Variants in ZNF202 observed in about 807,000 individuals in gnomAD.
ZNF202 encodes the protein zinc finger protein 202, also known as zinc finger protein with KRAB and SCAN domains 10.
ZNF202 carries 22 observed loss-of-function variants against 54.5 expected under a neutral mutation model. The observed-to-expected ratio is 0.40, with a 90% CI of 0.29 to 0.58. The LOEUF is 0.58. Among genes scored for constraint, ZNF202 ranks in the 20% least tolerant of loss-of-function variants. The pLI is 0.39. For missense variants in ZNF202, 644 were observed against 805.5 expected (o/e 0.80, Z 2.43); for synonymous variants, 294 against 301.4 (o/e 0.98, Z 0.26).
In ZNF202 at chr11:123,741,646, A is replaced by C. The variant is rs1306078409; in HGVS notation, c.-391T>G. ...GCCGGATCCGAGCCGCGCGGGGCCT[A>C]GCGGGTCGGAACACGTGGGGCCTTT... is the stretch of plus-strand genomic sequence containing the variant. On this transcript the variant is annotated 5_prime_UTR_variant, in exon 1 of 9. Coordinates refer to ENST00000530393, the MANE Select transcript of ZNF202 (RefSeq NM_003455.4). The C allele has an allele frequency of 6.5e-6, 1 of 152,694 alleles. No individual in the cohort carries two copies. Among genetic ancestry groups the C allele is most frequent in the Non-Finnish European group, 1.5e-5 (1 of 68,090 alleles). The allele number at this position is 152,694 out of a possible 1,614,324, so 9.5% of individuals were successfully genotyped here.
chr11:123,732,988 C>T (rs1353268914), intron 3 of ZNF202, among the ~76,000 whole-genome samples: 1 of 152,110 alleles, frequency 6.6e-6, no homozygotes, highest in African/African-American at 2.4e-5. Flanking sequence ...ATTACAATAT[C>T]CTCTGCTCCT....
In ZNF202 at chr11:123,726,229, C is replaced by A; in HGVS notation, c.1715G>T (p.Arg572Leu). Residue 572 changes from arginine (R) to leucine (L), a missense_variant, in exon 9 of 9, where the codon CGC (arginine) becomes CTC (leucine). Transcript: ENST00000530393. This position sits in a 1 kb window ranked among gnomAD's most constrained non-coding sequence, Gnocchi z 6.0. ...GAACGCTGCGCTGTGGGTGAAGCAG[C>A]GCCCGCACTCGCTGCAGAGGTAGAG... ...EELYLCSECG[R>L]CFTHSAAFAK... The A allele has an allele frequency of 6.2e-7, 1 of 1,614,206 alleles. No individual in the cohort carries two copies. The highest frequency in any genetic ancestry group is 8.5e-7 in the Non-Finnish European group (1 of 1,180,036).
chr11:123,728,017 G>A (rs1591375365), intron 7 of ZNF202, 116 bp downstream of exon 7: 1 of 1,168,856 alleles, frequency 8.6e-7, no homozygotes, highest in South Asian at 1.5e-5. Flanking sequence ...TTTATTGGTG[G>A]GGAAGGCATA....
intron 3 of ZNF202, among the ~76,000 whole-genome samples, chr11:123,733,953 A>G (rs561629126): frequency 2.6e-5 from 4 of 152,314 alleles, no homozygotes; most frequent in African/African-American, 9.6e-5. Context: ...CTGTTGGAGT[A>G]CCAGTATTAA....
chr11:123,728,206 A>T lies in ZNF202; in HGVS notation c.759T>A (p.Asp253Glu). Residue 253 changes from aspartate to glutamate, a missense_variant, in exon 7 of 9, where the codon GAT (aspartate) becomes GAA (glutamate). Asp to Glu is a conservative substitution (Grantham distance 45). Transcript: ENST00000530393. Reference sequence around the variant, plus strand: ...AGAACTCTTTCTGTGTTGGGTCCAGATCACTCCACTGGTCCTGGGAAAAGC... The same window carrying T: ...AGAACTCTTTCTGTGTTGGGTCCAGTTCACTCCACTGGTCCTGGGAAAAGC... ...AVCFSQDQWS[D>E]LDPTQKEFYG... is the part of the protein sequence containing the mutation. The T allele has an allele frequency of 6.2e-7, 1 of 1,613,174 alleles. No individual in the cohort carries two copies. Among genetic ancestry groups the T allele is most frequent in the Non-Finnish European group, 8.5e-7 (1 of 1,179,438 alleles).
In ZNF202 at chr11:123,730,873, C is replaced by G. The variant is rs1430305431; in HGVS notation, c.16G>C (p.Glu6Gln). 6.2e-7 allele frequency: 1 copy of G among 1,613,448 alleles called. No individual in the cohort carries two copies. Among genetic ancestry groups the G allele is most frequent in the Admixed American group, 1.7e-5 (1 of 59,990 alleles). Residue 6 changes from glutamate to glutamine, a missense_variant, in exon 4 of 9, where the codon GAA (glutamate) becomes CAA (glutamine). Around this residue, in one of 3 missense-constraint regions of ZNF202, gnomAD observed 46 missense variants for 47.4 expected, o/e 0.97. Coordinates refer to ENST00000530393, the MANE Select transcript of ZNF202 (RefSeq NM_003455.4). The surrounding 1 kb of genome is among the most constrained non-coding windows in gnomAD (Gnocchi z 6.0). The stretch of plus-strand genomic sequence containing the variant: ...TCCCAAAGATCCTGGTCCTCTGGTT[C>G]CACGGCTGTAGCCATTTCTTGGCTT... MATAV[E>Q]PEDQDLWEEE...
chr11:123,727,167 T>G (rs1861188865), intron 8 of ZNF202, among the ~76,000 whole-genome samples, 176 bp from the exon 9 acceptor site: 1 of 152,236 alleles, frequency 6.6e-6, no homozygotes, highest in African/African-American at 2.4e-5. Flanking sequence ...TGCACAAATA[T>G]AATCTTCATT....
chr11:123,739,430 T>C (rs980443223), intron 3 of ZNF202: 17 of 152,342 alleles, frequency 1.1e-4, no homozygotes, highest in African/African-American at 4.1e-4. Flanking sequence ...GCAGAAGCTC[T>C]GACCTTGAGG....
chr11:123,724,879 G>A lies in ZNF202; in HGVS notation c.*1118C>T, dbSNP rs1187950323. ...CAGTCAGGGATGATGGGGACAGGGT[G>A]TCAGAACAGTCTTGATGGTCTTGCC... On this transcript the variant is annotated 3_prime_UTR_variant, in exon 9 of 9. Transcript: ENST00000530393. 2 of 152,294 alleles carry A rather than the reference G, an allele frequency of 1.3e-5. No individual in the cohort carries two copies. Among genetic ancestry groups the A allele is most frequent in the East Asian group, 3.8e-4 (2 of 5,206 alleles). 9.4% of individuals were successfully genotyped at this position (152,294 alleles called of 1,614,324 possible). A position where few individuals can be genotyped will look rare whatever the true frequency, so the allele number is the denominator to read the frequency against.
In ZNF202 at chr11:123,729,111, G is replaced by A. The variant is rs1861286280; in HGVS notation, c.702+15C>T. ...CAAACAAATTCTCTGTGGTACAGAGGTAACTAGGGCACACCTGTGACAGAG... is the reference window on the plus strand; with the variant it reads ...CAAACAAATTCTCTGTGGTACAGAGATAACTAGGGCACACCTGTGACAGAG... On this transcript the variant is annotated intron_variant, in intron 6 of 8. Transcript: ENST00000530393. 1.3e-5 allele frequency: 21 copies of A among 1,613,054 alleles called. No individual in the cohort carries two copies. The East Asian group carries it at 4.7e-4, about 36-fold the overall frequency.
intron 3 of ZNF202, among the ~76,000 whole-genome samples, chr11:123,733,402 T>C (rs1174438619): frequency 6.6e-6 from 1 of 152,228 alleles, no homozygotes; most frequent in Non-Finnish European, 1.5e-5. Flanking sequence ...CTGCTATCTC[T>C]ACCTCATGGT....
intron 3 of ZNF202, chr11:123,739,521 A>AT (rs35727152): frequency 0.68 from 103,658 of 152,066 alleles, 35,538 homozygotes; most frequent in Middle Eastern, 0.82. Context: ...CAGGTGTAAT[A>AT]TTTTGATCAA....
chr11:123,729,102 G>A, intron 6 of ZNF202, 24 bp downstream of exon 6: 1 of 1,608,934 alleles, frequency 6.2e-7, no homozygotes, highest in African/African-American at 1.3e-5. Context: ...AATTCTCTGT[G>A]GTACAGAGGT....
At chr11:123,740,942 C>A (rs1448007052) in intron 1 of ZNF202, among the ~76,000 whole-genome samples, 3 of 143,368 alleles carry the variant, frequency 2.1e-5, no homozygotes, top group Non-Finnish European at 4.6e-5. Flanking sequence ...CTTGAGGGGA[C>A]CTCAGGGTCT....
At position 123,733,128 on chromosome 11, in the gene ZNF202, T is replaced by C. The variant is rs1861482376; in HGVS notation, c.-97-2143A>G. On this transcript the variant is annotated intron_variant, in intron 3 of 8. Transcript: ENST00000530393. ...CAAGCAGCTTAAGGGCTCCATCATT[T>C]CTCAACCTTTTTGTGCTATACTACA... 2.0e-5 allele frequency among the ~76,000 whole-genome samples: 3 copies of C among 152,194 alleles called. No individual in the cohort carries two copies. In the South Asian group the frequency reaches 6.2e-4, roughly 32 times the overall value.
At chr11:123,727,233 A>G (rs1162331422) in intron 8 of ZNF202, among the ~76,000 whole-genome samples, 1 of 152,246 alleles carries the variant, frequency 6.6e-6, no homozygotes, top group Non-Finnish European at 1.5e-5. Flanking sequence ...AGTAAATGGT[A>G]TAGCTGCAAT....
intron 3 of ZNF202, among the ~76,000 whole-genome samples, chr11:123,734,075 C>T (rs141406801): frequency 2.4e-4 from 36 of 152,052 alleles, no homozygotes; most frequent in African/African-American, 3.1e-4. Flanking sequence ...GGAACCTATG[C>T]GCTTTCCTTT....
rs2137332299 is a variant in ZNF202 at position 123,730,336 on chromosome 11, C to T, written c.402+151G>A. The T allele has an allele frequency of 1.1e-6, 1 of 922,748 alleles. No homozygotes were observed. The highest frequency in any genetic ancestry group is 2.5e-5 in the South Asian group (1 of 40,118). The allele number at this position is 922,748 out of a possible 1,614,324, so 57.2% of individuals were successfully genotyped here. On this transcript the variant is annotated intron_variant, in intron 4 of 8. Transcript: ENST00000530393. The surrounding 1 kb of genome is among the most constrained non-coding windows in gnomAD (Gnocchi z 6.0). The stretch of plus-strand genomic sequence containing the variant: ...AAAGTCACATTCATACACACACATC[C>T]CCCTAATCCATGGGGCTCATGGTAT...
chr11:123,734,135 G>A (rs1861533871), intron 3 of ZNF202, among the ~76,000 whole-genome samples: 1 of 151,948 alleles, frequency 6.6e-6, no homozygotes, highest in African/African-American at 2.4e-5. Flanking sequence ...GACACACAGG[G>A]AGAGACAGAC....
Sources: gnomAD v4.1 joint callset for allele counts (sites outside exome capture counted in the v4.1 genomes callset) on GRCh38, gnomAD v4.1.1 for gene constraint, gnomAD v4.1.1 regional missense constraint, Gnocchi (gnomAD v3.1) non-coding constraint, MANE v1.5 for transcripts, NCBI Gene and HGNC (gene_info 2026-07-23, HGNC 2026-07-21) for gene names.